C16orf92: variants seen among roughly 807,000 people sequenced by gnomAD.
C16orf92 encodes fertilization-influencing membrane protein 1, also known as fertilization-influencing membrane protein.
Under a neutral mutation model 13.7 loss-of-function variants are expected in C16orf92, and 14 were observed. The ratio of observed to expected loss-of-function variants is 1.02; its 90% CI spans 0.67 to 1.60. C16orf92 has a LOEUF of 1.60. Among genes scored for constraint, C16orf92 ranks in the 40% most tolerant of loss-of-function variants. The pLI, the probability that C16orf92 is intolerant of heterozygous loss-of-function variation, is 0.00. For missense variants in C16orf92, 116 were observed against 139.0 expected, an observed-to-expected ratio of 0.83 and a Z score of 0.83; for synonymous variants, 50 against 57.4, an observed-to-expected ratio of 0.87 and a Z score of 0.58.
chr16:30,025,431 C>T, downstream of C16orf92: 5 of 1,612,468 alleles, frequency 3.1e-6, no homozygotes, highest in Non-Finnish European at 4.2e-6. The surrounding 1 kb of genome is among the most constrained non-coding windows in gnomAD (Gnocchi z 4.1). Context: ...ATCAGGGCCC[C>T]GTTCACCTTG....
At chr16:30,025,098 CT>C, downstream of C16orf92, 1 of 957,462 alleles carries the variant, frequency 1.0e-6, no homozygotes, top group Non-Finnish European at 1.5e-6. The surrounding 1 kb of genome is among the most constrained non-coding windows in gnomAD (Gnocchi z 4.1). Context: ...CAAGAGGACC[CT>C]GGCTCCCAAC....
At chr16:30,026,328 C>T (rs572232437), downstream of C16orf92, among the ~76,000 whole-genome samples, 3 of 152,226 alleles carry the variant, frequency 2.0e-5, no homozygotes, top group African/African-American at 7.2e-5. Context: ...GACTGTGTCC[C>T]TTATGTAACA....
At chr16:30,027,094 C>T (rs1315243572), downstream of C16orf92, 4 of 610,474 alleles carry the variant, frequency 6.6e-6, no homozygotes, top group African/African-American at 1.8e-5. Flanking sequence ...GCAGTATAGT[C>T]GGGGGAAAAG....
chr16:30,024,022 C>G lies in C16orf92; in HGVS notation c.247C>G (p.His83Asp), dbSNP rs1194261423. ...NSGSSPGLFH[H>D]ILVGLLVVAF... ...AGGTTCCAGCCCCGGGCTCTTCCAT[C>G]ACATCCTGGTGGGCTTGCTGGTGGT... Residue 83 changes from histidine (H) to aspartate (D), a missense_variant, in exon 3 of 4, where the codon CAC becomes GAC. Coordinates refer to ENST00000681219, the MANE Select transcript of C16orf92 (RefSeq NM_001109659.2). The G allele has an allele frequency of 1.9e-6, 3 of 1,613,900 alleles. No individual in the cohort carries two copies. In the East Asian group the frequency reaches 6.7e-5, roughly 36 times the overall value.
Position 30,024,037 on chromosome 16 carries a change from T to A in C16orf92, c.262T>A (p.Leu88Met). ...GCTCTTCCATCACATCCTGGTGGGC[T>A]TGCTGGTGGTGGCGTTCTTCTTTCT... Reference protein sequence around the residue: ...PGLFHHILVGLLVVAFFFLLF... With the variant: ...PGLFHHILVGMLVVAFFFLLF... The change falls in exon 3 of 4, where the codon TTG becomes ATG. Residue 88 changes from leucine (L) to methionine (M), a missense_variant. Physicochemically the swap from Leu to Met is conservative, Grantham distance 15. Coordinates refer to ENST00000681219, the MANE Select transcript of C16orf92 (RefSeq NM_001109659.2). 1 of 1,614,114 alleles carries A rather than the reference T, an allele frequency of 6.2e-7. No homozygotes were observed. The highest frequency in any genetic ancestry group is 8.5e-7 in the Non-Finnish European group (1 of 1,179,958).
At chr16:30,023,551 CCAA>C in intron 1 of C16orf92, 147 bp downstream of exon 1, 2 of 1,413,828 alleles carry the variant, frequency 1.4e-6, no homozygotes, top group Non-Finnish European at 2.0e-6. Flanking sequence ...CACCTACCCC[CCAA>C]CAACCGCGAG....
chr16:30,026,492 G>A (rs562282510), downstream of C16orf92: 4 of 856,164 alleles, frequency 4.7e-6, no homozygotes, highest in Admixed American at 4.7e-5. Context: ...CTGGGAATAC[G>A]CTGGGTCTGC....
chr16:30,027,688 C>T (rs560131894), downstream of C16orf92: 10 of 454,996 alleles, frequency 2.2e-5, no homozygotes, highest in African/African-American at 8.0e-5. Context: ...TAAACAAAAA[C>T]GAGAAATGGA....
In C16orf92 at chr16:30,023,345, G is replaced by C. The variant is rs1422079964; in HGVS notation, c.5G>C (p.Arg2Thr). Reference protein sequence around the residue: MRLWPWVLVWVW... With the variant: MTLWPWVLVWVW... ...CCCCACCTCATGATAGGAGTCATGA[G>C]GCTGTGGCCATGGGTGCTGGTGTGG... The change falls in exon 1 of 4, where the codon AGG becomes ACG. Residue 2 changes from arginine (R) to threonine (T), a missense_variant. By Grantham distance (71) the Arg-to-Thr change is moderately conservative. Coordinates refer to ENST00000681219, the MANE Select transcript of C16orf92 (RefSeq NM_001109659.2). 6.2e-7 allele frequency: 1 copy of C among 1,604,668 alleles called. No individual in the cohort carries two copies. Among genetic ancestry groups the C allele is most frequent in the Non-Finnish European group, 8.5e-7 (1 of 1,175,936 alleles).
At position 30,023,209 on chromosome 16, in the gene C16orf92, TCTC is replaced by T; in HGVS notation, c.-128_-126del. On this transcript the variant is annotated 5_prime_UTR_variant, in exon 1 of 4. Coordinates refer to ENST00000681219, the MANE Select transcript of C16orf92 (RefSeq NM_001109659.2). ...AGACTGGTCCCAACCTCTCTTCTCC[TCTC>T]CTCTTCTGATGAGAGTGAGGGATGG... The T allele has an allele frequency of 1.3e-6, 1 of 749,526 alleles. No homozygotes were observed. Among genetic ancestry groups the T allele is most frequent in the Admixed American group, 2.4e-5 (1 of 42,326 alleles). 46.4% of individuals were successfully genotyped at this position (749,526 alleles called of 1,614,324 possible). A position where few individuals can be genotyped will look rare whatever the true frequency, so the allele number is the denominator to read the frequency against.
At chr16:30,025,005 G>T, downstream of C16orf92, 2 of 540,480 alleles carry the variant, frequency 3.7e-6, no homozygotes, top group Non-Finnish European at 6.4e-6. The surrounding 1 kb of genome is among the most constrained non-coding windows in gnomAD (Gnocchi z 4.1). Flanking sequence ...GGGGGAAGAG[G>T]TCCCCTCTCT....
chr16:30,027,544 C>T (rs2071201923), downstream of C16orf92: 2 of 455,990 alleles, frequency 4.4e-6, no homozygotes, highest in Non-Finnish European at 8.8e-6. Flanking sequence ...GTCTTGTCAG[C>T]GCTGTTCGCC....
chr16:30,027,567 C>T (rs1472541259), downstream of C16orf92: 1 of 456,110 alleles, frequency 2.2e-6, no homozygotes, highest in Non-Finnish European at 4.4e-6. Flanking sequence ...GCCCCAAAGT[C>T]ACCCAATCTC....
chr16:30,025,012 C>A, downstream of C16orf92: 3 of 547,440 alleles, frequency 5.5e-6, no homozygotes, highest in Non-Finnish European at 9.4e-6. The surrounding 1 kb of genome is among the most constrained non-coding windows in gnomAD (Gnocchi z 4.1). Flanking sequence ...GAGGTCCCCT[C>A]TCTCCACCCC....
chr16:30,023,228 TG>T lies in C16orf92; in HGVS notation c.-112del. ...TTCTCCTCTCCTCTTCTGATGAGAGTGAGGGATGGGGGAGGGGTCCCAGCTC... is the reference window on the plus strand; with the variant it reads ...TTCTCCTCTCCTCTTCTGATGAGAGTAGGGATGGGGGAGGGGTCCCAGCTC... On this transcript the variant is annotated 5_prime_UTR_variant, in exon 1 of 4. It introduces an in-frame stop codon into an upstream open reading frame of the 5' UTR. Transcript: ENST00000681219. The T allele has an allele frequency of 4.6e-6, 4 of 875,218 alleles. No homozygotes were observed. In the South Asian group the frequency reaches 5.9e-5, roughly 13 times the overall value. 54.2% of individuals were successfully genotyped at this position (875,218 alleles called of 1,614,324 possible). A position where few individuals can be genotyped will look rare whatever the true frequency, so the allele number is the denominator to read the frequency against.
chr16:30,025,839 A>C (rs1406662920), downstream of C16orf92: 1 of 1,604,164 alleles, frequency 6.2e-7, no homozygotes, highest in Non-Finnish European at 8.5e-7. This position sits in a 1 kb window ranked among gnomAD's most constrained non-coding sequence, Gnocchi z 4.1. Flanking sequence ...CAGAGGCAGG[A>C]AGGTGAGGAG....
downstream of C16orf92, chr16:30,025,514 C>A: frequency 6.2e-7 from 1 of 1,602,794 alleles, no homozygotes; most frequent in Non-Finnish European, 8.5e-7. The surrounding 1 kb of genome is among the most constrained non-coding windows in gnomAD (Gnocchi z 4.1). Context: ...AGGGCTCGGC[C>A]CCCCTTGGCC....
downstream of C16orf92, chr16:30,027,197 G>T (rs1431597740): frequency 2.1e-6 from 1 of 468,880 alleles, no homozygotes; most frequent in East Asian, 6.5e-5. Flanking sequence ...ATGGTTATTT[G>T]TCCTAACCTT....
rs762778344 is a variant in C16orf92, at chr16:30,024,091, G to A, written c.311+5G>A. ...TTTCCAGTTCTGCACCCACATGTAA[G>A]GCCTGCCCCCTTTCTCCAACCCCAC... is the stretch of plus-strand genomic sequence containing the variant. On this transcript the variant is annotated splice_donor_5th_base_variant and intron_variant, in intron 3 of 3. Transcript: ENST00000681219. The A allele has an allele frequency of 1.2e-6, 2 of 1,612,236 alleles. No homozygotes were observed. Among genetic ancestry groups the A allele is most frequent in the Admixed American group, 1.7e-5 (1 of 59,990 alleles).
Sources: allele counts gnomAD v4.1 joint callset (sites outside exome capture counted in the v4.1 genomes callset), GRCh38; gene constraint gnomAD v4.1.1; non-coding constraint Gnocchi (gnomAD v3.1); transcripts MANE v1.5; gene names NCBI Gene and HGNC (gene_info 2026-07-23, HGNC 2026-07-21).